Variants in CDH12 observed in about 807,000 individuals in gnomAD.
The protein encoded by CDH12 is cadherin-12.
In CDH12, 41 loss-of-function variants were observed where a neutral mutation model predicts 74.1. That is an observed-to-expected ratio of 0.55 (90% CI 0.43 to 0.72). CDH12 has a LOEUF of 0.72. Among genes scored for constraint, CDH12 ranks in the 30% least tolerant of loss-of-function variants. The pLI is 0.00. For synonymous variants in CDH12, 399 were observed against 355.0 expected (o/e 1.12, Z -1.39); for missense variants, 945 against 977.2 (o/e 0.97, Z 0.44).
At chr5:22,655,939 G>A (rs988588493) in intron 1 of CDH12, among the ~76,000 whole-genome samples, 5 of 152,162 alleles carry the variant, frequency 3.3e-5, no homozygotes, top group Non-Finnish European at 7.3e-5. Context: ...GAGACACAGA[G>A]CATCACTTTA....
In CDH12 at chr5:21,880,572, T is replaced by TTTCTTTCC. The variant is rs1752224436; in HGVS notation, c.527-25783_527-25782insGGAAAGAA. On this transcript the variant is annotated intron_variant, in intron 6 of 14. Transcript: ENST00000382254. ...CTTCCTTCCTTCCTTCCCTTCTTTC[T>TTTCTTTCC]TTCCTTCCTTCCTTCCTTCCTTCCT... Among the ~76,000 whole-genome samples, 9 of 12,938 alleles carry TTTCTTTCC rather than the reference T, an allele frequency of 7.0e-4. 2 individuals are homozygous for TTTCTTTCC. Among genetic ancestry groups the TTTCTTTCC allele is most frequent in the African/African-American group, 1.4e-3 (9 of 6,634 alleles). The allele number at this position is 12,938 out of a possible 152,430, so 8.5% of individuals were successfully genotyped here.
At chr5:22,237,090 G>A (rs1046197443) in intron 3 of CDH12, among the ~76,000 whole-genome samples, 2 of 151,816 alleles carry the variant, frequency 1.3e-5, no homozygotes, top group African/African-American at 2.4e-5. Flanking sequence ...ATAATTGTAC[G>A]TGCAACACTT....
At chr5:21,969,531 G>A (rs892976326) in intron 6 of CDH12, among the ~76,000 whole-genome samples, 5 of 151,828 alleles carry the variant, frequency 3.3e-5, no homozygotes, top group Non-Finnish European at 5.9e-5. Context: ...CAGCTGCCAC[G>A]TTATGATGTA....
intron 5 of CDH12, among the ~76,000 whole-genome samples, chr5:22,063,545 T>C (rs1210559699): frequency 6.6e-6 from 1 of 152,130 alleles, no homozygotes; most frequent in East Asian, 1.9e-4. Flanking sequence ...TGAGTCTTAA[T>C]AGTAAACCAG....
At chr5:22,702,893 T>C (rs759832547) in intron 1 of CDH12, among the ~76,000 whole-genome samples, 2 of 152,122 alleles carry the variant, frequency 1.3e-5, no homozygotes, top group African/African-American at 4.8e-5. Flanking sequence ...CTTTTTACAA[T>C]AGTTACATTT....
intron 8 of CDH12, among the ~76,000 whole-genome samples, chr5:21,840,940 G>A (rs1399136131): frequency 7.9e-5 from 12 of 151,938 alleles, no homozygotes; most frequent in Non-Finnish European, 1.6e-4. Flanking sequence ...TCAGGACATA[G>A]GCATGGGTAA....
chr5:22,341,480 G>T (rs560401376), intron 3 of CDH12, among the ~76,000 whole-genome samples: 1 of 152,132 alleles, frequency 6.6e-6, no homozygotes, highest in Non-Finnish European at 1.5e-5. Flanking sequence ...GGCATAAAAA[G>T]ATATGAAAGA....
At chr5:22,570,001 T>C (rs1739466003) in intron 1 of CDH12, among the ~76,000 whole-genome samples, 1 of 152,300 alleles carries the variant, frequency 6.6e-6, no homozygotes, top group South Asian at 2.1e-4. Flanking sequence ...TTAGTATCTA[T>C]AGCAGTAGGT....
intron 3 of CDH12, among the ~76,000 whole-genome samples, chr5:22,278,654 T>C (rs1736743584): frequency 6.6e-6 from 1 of 152,160 alleles, no homozygotes; most frequent in South Asian, 2.1e-4. Context: ...ATATACATAT[T>C]AATTATTACC....
intron 1 of CDH12, among the ~76,000 whole-genome samples, chr5:22,805,590 A>C (rs903535864): frequency 2.6e-5 from 4 of 152,094 alleles, no homozygotes; most frequent in African/African-American, 9.6e-5. Context: ...CTTTTGGGTA[A>C]AGTTAATATA....
chr5:21,758,365 T>A (rs1261418950), intron 13 of CDH12, among the ~76,000 whole-genome samples: 1 of 152,162 alleles, frequency 6.6e-6, no homozygotes, highest in Non-Finnish European at 1.5e-5. Context: ...GAGACTCTGA[T>A]TTTGTGGAGA....
chr5:22,122,965 C>T (rs1745613510), intron 4 of CDH12, among the ~76,000 whole-genome samples: 1 of 152,186 alleles, frequency 6.6e-6, no homozygotes, highest in Non-Finnish European at 1.5e-5. Flanking sequence ...CATTGGCTCT[C>T]TTGGGTCTCT....
At position 21,769,438 on chromosome 5, in the gene CDH12, A is replaced by T. The variant is rs191288921; in HGVS notation, c.1394-4339T>A. Among the ~76,000 whole-genome samples the T allele has an allele frequency of 2.6e-3, 403 of 152,258 alleles. 2 individuals are homozygous for T. Among genetic ancestry groups the T allele is most frequent in the African/African-American group, 9.5e-3 (395 of 41,566 alleles). ...TGGGATAGGAGATAAATGTAAAATGACAATTGTACACTTAATATACTAGCA... is the reference window on the plus strand; with the variant it reads ...TGGGATAGGAGATAAATGTAAAATGTCAATTGTACACTTAATATACTAGCA... On this transcript the variant is annotated intron_variant, in intron 11 of 14. Coordinates refer to ENST00000382254, the MANE Select transcript of CDH12 (RefSeq NM_004061.5).
intron 4 of CDH12, among the ~76,000 whole-genome samples, chr5:22,185,202 T>C (rs1326161714): frequency 1.3e-5 from 2 of 150,874 alleles, no homozygotes; most frequent in Non-Finnish European, 3.0e-5. Flanking sequence ...TCTCTCTCTT[T>C]TTTTTTTTTT....
chr5:22,008,597 G>A (rs1987212), intron 5 of CDH12, among the ~76,000 whole-genome samples: 3 of 152,090 alleles, frequency 2.0e-5, no homozygotes, highest in Non-Finnish European at 4.4e-5. Context: ...AGGTTTGATC[G>A]TATCCTTTGT....
chr5:22,441,992 T>C (rs1246508436), intron 2 of CDH12, among the ~76,000 whole-genome samples: 2 of 152,122 alleles, frequency 1.3e-5, no homozygotes, highest in African/African-American at 4.8e-5. Context: ...GCATGAGCCA[T>C]GGAGCGTGGC....
chr5:22,112,934 G>A (rs544790355), intron 4 of CDH12, among the ~76,000 whole-genome samples: 1 of 152,242 alleles, frequency 6.6e-6, no homozygotes, highest in South Asian at 2.1e-4. Context: ...AAAGAGATGA[G>A]TACACCCCAT....
At chr5:22,019,890 C>A (rs1407039628) in intron 5 of CDH12, among the ~76,000 whole-genome samples, 1 of 152,124 alleles carries the variant, frequency 6.6e-6, no homozygotes, top group Admixed American at 6.5e-5. Context: ...TGTGTGAAAT[C>A]AAAATCTTCC....
At chr5:22,629,405 G>T (rs533791663) in intron 1 of CDH12, among the ~76,000 whole-genome samples, 1 of 151,672 alleles carries the variant, frequency 6.6e-6, no homozygotes, top group South Asian at 2.1e-4. Context: ...CATCAAAATC[G>T]AATCCACCTA....
Sources: gnomAD v4.1 joint callset for allele counts (sites outside exome capture counted in the v4.1 genomes callset) on GRCh38, gnomAD v4.1.1 for gene constraint, MANE v1.5 for transcripts, NCBI Gene and HGNC (gene_info 2026-07-23, HGNC 2026-07-21) for gene names.